PPA1: variants seen among roughly 807,000 people sequenced by gnomAD.
PPA1 encodes inorganic pyrophosphatase.
In PPA1, 23 loss-of-function variants were observed where a neutral mutation model predicts 41.8. The observed-to-expected ratio is 0.55, with a 90% CI of 0.40 to 0.78. The LOEUF (loss-of-function observed/expected upper bound fraction) is 0.78, where lower values mean the gene tolerates loss of function less well. PPA1 is among the 30% of genes least tolerant of loss of function. The pLI is 0.00. For synonymous variants in PPA1, 101 were observed against 116.8 expected (o/e 0.86, Z 0.87); for missense variants, 320 against 361.6 (o/e 0.89, Z 0.93).
At chr10:70,213,424 A>G (rs1840044253) in intron 6 of PPA1, 39 bp downstream of exon 6, 1 of 1,609,096 alleles carries the variant, frequency 6.2e-7, no homozygotes, top group Non-Finnish European at 8.5e-7. Flanking sequence ...GTGCTTATGA[A>G]TTAATTAGAA....
intron 1 of PPA1, among the ~76,000 whole-genome samples, chr10:70,232,857 C>CCG (rs1554831242): frequency 6.7e-6 from 1 of 150,238 alleles, no homozygotes; most frequent in African/African-American, 2.5e-5. Context: ...AGTCACTGCC[C>CCG]CCCCCGGCCC....
chr10:70,206,358 A>G (rs771771284), intron 8 of PPA1, 25 bp from the exon 9 acceptor site: 1 of 1,531,534 alleles, frequency 6.5e-7, no homozygotes, highest in South Asian at 1.1e-5. Flanking sequence ...AAAAGTAGTC[A>G]TAAGACAAAA....
At chr10:70,207,189 A>G (rs1839955485) in intron 8 of PPA1, among the ~76,000 whole-genome samples, 1 of 152,172 alleles carries the variant, frequency 6.6e-6, no homozygotes, top group African/African-American at 2.4e-5. Flanking sequence ...TGAAACGGTA[A>G]TTTACAAAGG....
chr10:70,221,074 ATATTTTTT>A (rs1252288664), intron 2 of PPA1, among the ~76,000 whole-genome samples: 2,658 of 20,770 alleles, frequency 0.13, 212 homozygotes, highest in Admixed American at 0.19. Flanking sequence ...ATATATATAT[ATATTTTTT>A]TTTTTTTTTT....
intron 8 of PPA1, among the ~76,000 whole-genome samples, chr10:70,207,062 G>A (rs1346049584): frequency 6.6e-6 from 1 of 152,006 alleles, no homozygotes; most frequent in African/African-American, 2.4e-5. Flanking sequence ...GACACTTCTG[G>A]CAGGAGTCCT....
At chr10:70,205,763 T>C (rs57113544) in intron 9 of PPA1, 11,041 of 152,396 alleles carry the variant, frequency 0.072, 901 homozygotes, top group African/African-American at 0.21. Context: ...CTCGTTCAAT[T>C]TTTTGGTTAA....
chr10:70,204,684 T>TTAAG (rs1839917350), intron 10 of PPA1, 189 bp downstream of exon 10: 1 of 501,046 alleles, frequency 2.0e-6, no homozygotes, highest in Admixed American at 3.8e-5. Context: ...CAAATAATGA[T>TTAAG]TAAGTATGTG....
At chr10:70,225,430 GT>G (rs1191512525) in intron 2 of PPA1, among the ~76,000 whole-genome samples, 1 of 151,784 alleles carries the variant, frequency 6.6e-6, no homozygotes, top group Non-Finnish European at 1.5e-5. Flanking sequence ...GCTGAGGCTG[GT>G]CATGAACTCC....
intron 8 of PPA1, among the ~76,000 whole-genome samples, chr10:70,208,347 TTTTTC>T (rs773494838): frequency 7.2e-5 from 11 of 152,180 alleles, no homozygotes; most frequent in Admixed American, 1.3e-4. Flanking sequence ...TTTCCTTTTT[TTTTTC>T]TTTTGAGACA....
At chr10:70,209,491 C>G (rs1839990133) in intron 7 of PPA1, 67 bp downstream of exon 7, 2 of 1,506,782 alleles carry the variant, frequency 1.3e-6, no homozygotes, top group Non-Finnish European at 1.8e-6. Context: ...TAGATGGTAA[C>G]AATATGGTTA....
intron 2 of PPA1, among the ~76,000 whole-genome samples, chr10:70,226,736 C>T (rs1380808775): frequency 6.6e-6 from 1 of 152,002 alleles, no homozygotes; most frequent in Non-Finnish European, 1.5e-5. Flanking sequence ...TTTGCAATGA[C>T]TAATAATTTT....
rs1005579313 is a variant in PPA1, at chr10:70,224,628, G to A, written c.123+5713C>T. On this transcript the variant is annotated intron_variant, in intron 2 of 10. Transcript: ENST00000373232. ...AGGCTGTTATTACTAATGCAGTTAA[G>A]TACATATATAGGGAACATGCTCTTA... Among the ~76,000 whole-genome samples, 7 of 152,338 alleles carry A rather than the reference G, an allele frequency of 4.6e-5. No homozygotes were observed. The South Asian group carries it at 1.4e-3, about 32-fold the overall frequency.
At chr10:70,213,338 A>C in intron 6 of PPA1, 125 bp downstream of exon 6, 1 of 1,132,278 alleles carries the variant, frequency 8.8e-7, no homozygotes, top group Non-Finnish European at 1.2e-6. Flanking sequence ...ATGCTTGTCC[A>C]GTGCTTTGTT....
intron 2 of PPA1, among the ~76,000 whole-genome samples, chr10:70,221,962 A>AAGGAAAAAAATAACAT (rs1840175202): frequency 6.6e-6 from 1 of 152,194 alleles, no homozygotes; most frequent in African/African-American, 2.4e-5. Context: ...AAAAATAACA[A>AAGGAAAAAAATAACAT]GGAAGAAAAC....
rs1840045934 is a variant in PPA1, at chr10:70,213,528, T to C, written c.446A>G (p.Glu149Gly). ...KVLGILAMID[E>G]GETDWKVIAI... ...AATGACTTTCCAGTCGGTTTCCCCT[T>C]CGTCAATCATAGCCAATATGCCTAG... is the stretch of plus-strand genomic sequence containing the variant. The change falls in exon 6 of 11, where the codon GAA (glutamate) becomes GGA (glycine). Residue 149 changes from glutamate (E) to glycine (G), a missense_variant. Transcript: ENST00000373232. The C allele has an allele frequency of 1.2e-6, 2 of 1,614,060 alleles. No individual in the cohort carries two copies. Among genetic ancestry groups the C allele is most frequent in the Non-Finnish European group, 1.7e-6 (2 of 1,179,942 alleles).
chr10:70,233,181 C>G, intron 1 of PPA1, 83 bp downstream of exon 1: 1 of 1,433,982 alleles, frequency 7.0e-7, no homozygotes, highest in Non-Finnish European at 9.3e-7. Context: ...GGGCCGAGCG[C>G]GGGCCGCACC....
intron 10 of PPA1, 93 bp downstream of exon 10, chr10:70,204,780 T>A (rs10999181): frequency 0.031 from 32,459 of 1,031,838 alleles, 1,570 homozygotes; most frequent in African/African-American, 0.21. Flanking sequence ...ATAAATATAT[T>A]TAATTATCAT....
At chr10:70,214,681 CTT>C (rs1358666321) in intron 4 of PPA1, 95 bp from the exon 5 acceptor site, 50 of 949,780 alleles carry the variant, frequency 5.3e-5, no homozygotes, top group Non-Finnish European at 7.4e-5. Context: ...TCTTCAGCTA[CTT>C]TTTTCTCATT....
At chr10:70,226,477 C>A (rs1398696199) in intron 2 of PPA1, among the ~76,000 whole-genome samples, 4 of 151,316 alleles carry the variant, frequency 2.6e-5, no homozygotes, top group Non-Finnish European at 4.4e-5. Context: ...GAGGATTGCT[C>A]GAGCCCAGGA....
Sources: allele counts gnomAD v4.1 joint callset (sites outside exome capture counted in the v4.1 genomes callset), GRCh38; gene constraint gnomAD v4.1.1; transcripts MANE v1.5; gene names NCBI Gene and HGNC (gene_info 2026-07-23, HGNC 2026-07-21).